SLC7A1: variants seen among roughly 807,000 people sequenced by gnomAD.
SLC7A1 encodes the protein high affinity cationic amino acid transporter 1.
SLC7A1 carries 10 observed loss-of-function variants against 53.9 expected under a neutral mutation model. The ratio of observed to expected loss-of-function variants is 0.19; its 90% CI spans 0.11 to 0.31. SLC7A1 has a LOEUF of 0.31. SLC7A1 is among the 10% of genes least tolerant of loss of function. SLC7A1 has a pLI of 1.00. For synonymous variants in SLC7A1, 342 were observed against 338.7 expected (o/e 1.01, Z -0.11); for missense variants, 525 against 827.2 (o/e 0.63, Z 4.48).
chr13:29,559,907 G>A (rs909675331), intron 1 of SLC7A1, among the ~76,000 whole-genome samples: 1 of 151,964 alleles, frequency 6.6e-6, no homozygotes, highest in Non-Finnish European at 1.5e-5. Context: ...AGTAGAGACG[G>A]GGTTTCACCG....
chr13:29,524,370 T>C (rs1868786947), intron 5 of SLC7A1, 117 bp from the exon 6 acceptor site: 1 of 1,310,406 alleles, frequency 7.6e-7, no homozygotes, highest in South Asian at 1.4e-5. Context: ...CTGTTACCGC[T>C]GCCAGGCCCT....
At chr13:29,587,763 C>A (rs1177820133) in intron 1 of SLC7A1, among the ~76,000 whole-genome samples, 1 of 152,254 alleles carries the variant, frequency 6.6e-6, no homozygotes, top group African/African-American at 2.4e-5. Context: ...TCTGCCTGCT[C>A]GGTGGGCACC....
At chr13:29,556,172 A>C (rs1870430758) in intron 1 of SLC7A1, among the ~76,000 whole-genome samples, 1 of 152,236 alleles carries the variant, frequency 6.6e-6, no homozygotes, top group Non-Finnish European at 1.5e-5. Flanking sequence ...CTGAATGCAG[A>C]AGCACATATA....
chr13:29,543,750 A>G (rs1183236139), intron 2 of SLC7A1, among the ~76,000 whole-genome samples: 9 of 52,056 alleles, frequency 1.7e-4, no homozygotes, highest in Admixed American at 5.1e-4. Context: ...GAGGAGGAAG[A>G]GGGGTGGGGA....
At chr13:29,574,643 C>CT (rs60597221) in intron 1 of SLC7A1, among the ~76,000 whole-genome samples, 14,196 of 121,882 alleles carry the variant, frequency 0.12, 1,808 homozygotes, top group East Asian at 0.59. Flanking sequence ...GCAGCTAATG[C>CT]TTTTTTTTTT....
chr13:29,535,012 C>T (rs1032805471), intron 3 of SLC7A1, among the ~76,000 whole-genome samples: 2 of 152,154 alleles, frequency 1.3e-5, no homozygotes, highest in Non-Finnish European at 2.9e-5. Context: ...GTGTTACAGG[C>T]CGATGCCCAG....
chr13:29,546,198 G>C (rs1484059391), intron 2 of SLC7A1, among the ~76,000 whole-genome samples: 2 of 152,172 alleles, frequency 1.3e-5, no homozygotes, highest in South Asian at 4.1e-4. Context: ...ACCAACCAGG[G>C]AGCTGGCCCT....
intron 8 of SLC7A1, among the ~76,000 whole-genome samples, chr13:29,520,908 AC>A (rs1428622492): frequency 6.6e-6 from 1 of 152,230 alleles, no homozygotes; most frequent in East Asian, 1.9e-4. Flanking sequence ...AAAACCAAAT[AC>A]TTATTTACCA....
At position 29,532,836 on chromosome 13, in the gene SLC7A1, G is replaced by T. The variant is rs145721598; in HGVS notation, c.517C>A (p.Leu173Ile). 6.2e-6 allele frequency: 10 copies of T among 1,613,086 alleles called. No homozygotes were observed. In the African/African-American group the frequency reaches 9.3e-5, roughly 15 times the overall value. The change falls in exon 4 of 13, where the codon CTC (leucine) becomes ATC (isoleucine). Residue 173 changes from leucine to isoleucine, a missense_variant. Physicochemically the swap from Leu to Ile is conservative, Grantham distance 5. Around this residue, in one of 4 missense-constraint regions of SLC7A1, gnomAD observed 354 missense variants for 587.5 expected, o/e 0.60. Transcript: ENST00000380752. ...GTGTGGGCTTTACCTGTCAAGATGA[G>T]AATTATGATCACTGCGAATATGTCG... ...NPDIFAVIII[L>I]ILTGLLTLGV...
chr13:29,566,817 G>A (rs1002974252), intron 1 of SLC7A1, among the ~76,000 whole-genome samples: 29 of 152,238 alleles, frequency 1.9e-4, no homozygotes, highest in African/African-American at 6.5e-4. Context: ...TATCCAAAGG[G>A]ACCCCAGTAT....
chr13:29,595,684 A>C lies in SLC7A1; in HGVS notation c.-383T>G, dbSNP rs1334365715. 6.7e-6 allele frequency: 1 copy of C among 150,174 alleles called. No individual in the cohort carries two copies. The highest frequency in any genetic ancestry group is 1.5e-5 in the Non-Finnish European group (1 of 67,120). The allele number at this position is 150,174 out of a possible 1,614,324, so 9.3% of individuals were successfully genotyped here. The stretch of plus-strand genomic sequence containing the variant: ...GGTTCCGGCGCCAGGTTTCATCAGC[A>C]GTGCGCCCGGCCCCCGCCCCTCGCG... On this transcript the variant is annotated 5_prime_UTR_variant, in exon 1 of 13. Transcript: ENST00000380752.
At position 29,514,367 on chromosome 13, in the gene SLC7A1, A is replaced by G; in HGVS notation, c.*113T>C. 1.4e-6 allele frequency: 1 copy of G among 701,974 alleles called. No homozygotes were observed. The highest frequency in any genetic ancestry group is 2.7e-5 in the East Asian group (1 of 37,178). The allele number at this position is 701,974 out of a possible 1,614,324, so 43.5% of individuals were successfully genotyped here. ...AGTAATTGCACCTTTGGCTGCAGTG[A>G]GGGTGTGGACGCAGGTGGTTTCTGT... On this transcript the variant is annotated 3_prime_UTR_variant, in exon 13 of 13. Coordinates refer to ENST00000380752, the MANE Select transcript of SLC7A1 (RefSeq NM_003045.5).
intron 1 of SLC7A1, among the ~76,000 whole-genome samples, chr13:29,590,068 T>C (rs978282479): frequency 8.5e-5 from 13 of 152,124 alleles, no homozygotes; most frequent in East Asian, 7.7e-4. Flanking sequence ...GCAGACAAGA[T>C]GCAGAGAAGG....
At chr13:29,517,437 C>G in intron 10 of SLC7A1, 127 bp from the exon 11 acceptor site, 1 of 1,229,614 alleles carries the variant, frequency 8.1e-7, no homozygotes, top group Non-Finnish European at 1.2e-6. Flanking sequence ...CTACAGTTAA[C>G]ACAGAGTAAC....
intron 1 of SLC7A1, among the ~76,000 whole-genome samples, chr13:29,565,743 C>T (rs1370950147): frequency 2.0e-5 from 3 of 152,214 alleles, no homozygotes; most frequent in Admixed American, 6.5e-5. Flanking sequence ...GACAGTGTCC[C>T]TCAAACATGC....
Position 29,516,212 on chromosome 13 carries a change from A to G in SLC7A1, c.1712T>C (p.Ile571Thr), listed in dbSNP as rs1404526755. The G allele has an allele frequency of 6.2e-7, 1 of 1,613,516 alleles. No individual in the cohort carries two copies. Among genetic ancestry groups the G allele is most frequent in the African/African-American group, 1.3e-5 (1 of 74,948 alleles). ...PFLPVLPILS[I>T]FVNVYLMMQL... is the part of the protein sequence containing the mutation. ...CATCATGAGATAGACGTTCACGAAG[A>G]TGCTCAGGATGGGGAGCACTGGCAG... The change falls in exon 12 of 13, where the codon ATC becomes ACC. Residue 571 changes from isoleucine to threonine, a missense_variant. Transcript: ENST00000380752.
intron 3 of SLC7A1, among the ~76,000 whole-genome samples, chr13:29,535,470 G>C (rs1006529435): frequency 2.0e-5 from 3 of 152,186 alleles, no homozygotes; most frequent in African/African-American, 7.2e-5. Context: ...CTAGTATCTA[G>C]CACAATGCCC....
At position 29,569,606 on chromosome 13, in the gene SLC7A1, T is replaced by C. The variant is rs377463105; in HGVS notation, c.-114-15746A>G. On this transcript the variant is annotated intron_variant, in intron 1 of 12. Coordinates refer to ENST00000380752, the MANE Select transcript of SLC7A1 (RefSeq NM_003045.5). ...AATCGAGCTCCTAAGGACACCAGAT[T>C]AATCACCACTAGCCCATTCTCAAGA... is the stretch of plus-strand genomic sequence containing the variant. 7.9e-4 allele frequency among the ~76,000 whole-genome samples: 120 copies of C among 152,284 alleles called. 1 individual carries two copies. The highest frequency in any genetic ancestry group is 2.7e-3 in the African/African-American group (113 of 41,552).
At chr13:29,548,909 A>T (rs886363734) in intron 2 of SLC7A1, among the ~76,000 whole-genome samples, 3 of 152,214 alleles carry the variant, frequency 2.0e-5, no homozygotes, top group African/African-American at 7.2e-5. Context: ...GCCACATTTT[A>T]TGGTAGGTCT....
Sources: gnomAD v4.1 joint callset for allele counts (sites outside exome capture counted in the v4.1 genomes callset) on GRCh38, gnomAD v4.1.1 for gene constraint, gnomAD v4.1.1 regional missense constraint, MANE v1.5 for transcripts, NCBI Gene and HGNC (gene_info 2026-07-23, HGNC 2026-07-21) for gene names.